RTN4: variants seen among roughly 807,000 people sequenced by gnomAD.
The protein encoded by RTN4 is reticulon 4.
In RTN4, 32 loss-of-function variants were observed where a neutral mutation model predicts 90.4. That is an observed-to-expected ratio of 0.35 (90% CI 0.27 to 0.48). The LOEUF (loss-of-function observed/expected upper bound fraction) is 0.48. Ranked by LOEUF, RTN4 falls within the 20% of genes least tolerant of loss-of-function variation. The probability of loss-of-function intolerance (pLI) is 0.99; values close to 1 mark genes in which losing one functional copy is unlikely to be tolerated. For missense variants in RTN4, 1,706 were observed against 1,430.2 expected (o/e 1.19, Z -3.11); for synonymous variants, 629 against 552.5 (o/e 1.14, Z -1.94).
intron 4 of RTN4, 91 bp downstream of exon 4, chr2:54,987,400 T>C: frequency 2.1e-6 from 2 of 954,644 alleles, no homozygotes; most frequent in South Asian, 1.4e-5. Context: ...AAAAAATGCA[T>C]GCTTGTAACT....
At chr2:55,051,888 A>C (rs1668097588), upstream of RTN4, among the ~76,000 whole-genome samples, 1 of 152,028 alleles carries the variant, frequency 6.6e-6, no homozygotes, top group South Asian at 2.1e-4. Context: ...CAGCTTCTAG[A>C]GTTTTTTAAA....
At position 54,973,615 on chromosome 2, in the gene RTN4, T is replaced by C; in HGVS notation, c.3484A>G (p.Ile1162Val). ...PVIYERHQAQIDHYLGLANKN... is the reference protein window; with the variant it reads ...PVIYERHQAQVDHYLGLANKN... ...TTTGCAAGTCCTAGATAATGATCTATCTGTGCCTGAAAGAGAGGTATAAAG... is the reference window on the plus strand; with the variant it reads ...TTTGCAAGTCCTAGATAATGATCTACCTGTGCCTGAAAGAGAGGTATAAAG... Residue 1162 changes from isoleucine (I) to valine (V), a missense_variant, in exon 8 of 9, where the codon ATA becomes GTA. Coordinates refer to ENST00000337526, the MANE Select transcript of RTN4 (RefSeq NM_020532.5). 6.2e-7 allele frequency: 1 copy of C among 1,609,536 alleles called. No homozygotes were observed. The highest frequency in any genetic ancestry group is 8.5e-7 in the Non-Finnish European group (1 of 1,175,908).
At chr2:55,092,596 C>T (rs1260100169) in intron 1 of RTN4, among the ~76,000 whole-genome samples, 4 of 152,214 alleles carry the variant, frequency 2.6e-5, no homozygotes, top group Non-Finnish European at 4.4e-5. Flanking sequence ...AAGTGCTCAA[C>T]ACAAACTTGT....
intron 3 of RTN4, among the ~76,000 whole-genome samples, chr2:55,013,007 G>A: frequency 6.6e-6 from 1 of 151,984 alleles, no homozygotes; most frequent in East Asian, 1.9e-4. Flanking sequence ...TTCTTTTGAG[G>A]ACAATTTTCA....
intron 1 of RTN4, chr2:55,049,534 C>T (rs1219073776): frequency 6.4e-6 from 5 of 785,216 alleles, no homozygotes; most frequent in Non-Finnish European, 1.1e-5. Flanking sequence ...TTCCCCGAAA[C>T]CAAGACGGAC....
chr2:55,084,237 C>T (rs1483724796), intron 1 of RTN4, among the ~76,000 whole-genome samples: 12 of 152,044 alleles, frequency 7.9e-5, no homozygotes, highest in Admixed American at 5.2e-4. Flanking sequence ...AGCTCACAAC[C>T]CCTTCCCCAT....
intron 1 of RTN4, among the ~76,000 whole-genome samples, chr2:55,037,400 T>C (rs1000153359): frequency 2.0e-5 from 3 of 152,248 alleles, no homozygotes; most frequent in African/African-American, 7.2e-5. Flanking sequence ...CAGTTTCTTC[T>C]TCTTCAGCAA....
intron 1 of RTN4, among the ~76,000 whole-genome samples, chr2:55,103,872 TTTAGCAGAGATGGGG>T (rs1667897109): frequency 6.6e-6 from 1 of 152,064 alleles, no homozygotes; most frequent in East Asian, 1.9e-4. Context: ...TTTTTGTATA[TTTAGCAGAGATGGGG>T]TTTCACCATG....
intron 1 of RTN4, among the ~76,000 whole-genome samples, chr2:55,031,317 T>C (rs1682295866): frequency 6.6e-6 from 1 of 152,228 alleles, no homozygotes; most frequent in African/African-American, 2.4e-5. Flanking sequence ...AGGCACATTC[T>C]GGTCTACAGT....
intron 3 of RTN4, among the ~76,000 whole-genome samples, chr2:55,015,562 G>A (rs760660159): frequency 1.3e-5 from 2 of 152,126 alleles, no homozygotes; most frequent in African/African-American, 4.8e-5. Context: ...TGGGCAAAGA[G>A]TATGAACAAG....
At chr2:55,110,194 C>T (rs1668012838) in intron 1 of RTN4, among the ~76,000 whole-genome samples, 1 of 151,798 alleles carries the variant, frequency 6.6e-6, no homozygotes, top group Non-Finnish European at 1.5e-5. Context: ...GTCTGTAGTC[C>T]CAGCTACGTG....
chr2:54,978,431 C>CAAAAAAAAA (rs10718270), intron 5 of RTN4, among the ~76,000 whole-genome samples: 1 of 81,098 alleles, frequency 1.2e-5, no homozygotes, highest in Non-Finnish European at 2.4e-5. Flanking sequence ...ACTCTATCTC[C>CAAAAAAAAA]AAAAAAAAAA....
the RTN4 span, among the ~76,000 whole-genome samples, chr2:55,137,437 G>A: frequency 6.6e-6 from 1 of 152,296 alleles, no homozygotes; most frequent in South Asian, 2.1e-4. Context: ...CGAATACCTG[G>A]ACCACGTCAG....
intron 1 of RTN4, among the ~76,000 whole-genome samples, chr2:55,047,395 C>T (rs1012603): frequency 0.065 from 9,845 of 151,448 alleles, 527 homozygotes; most frequent in South Asian, 0.19. Flanking sequence ...CAGTTTCCCT[C>T]AAGTATGTCT....
chr2:55,034,586 T>A (rs539803602), intron 1 of RTN4, among the ~76,000 whole-genome samples: 13 of 152,250 alleles, frequency 8.5e-5, no homozygotes, highest in South Asian at 4.1e-4. Context: ...GCTGAAAGAA[T>A]TTGTCACTAA....
At chr2:55,097,562 G>C (rs577960904) in intron 1 of RTN4, among the ~76,000 whole-genome samples, 3 of 152,114 alleles carry the variant, frequency 2.0e-5, no homozygotes, top group Non-Finnish European at 4.4e-5. Context: ...AGACAGCAGT[G>C]GGGGAAGGAG....
intron 3 of RTN4, among the ~76,000 whole-genome samples, chr2:55,001,555 C>T (rs1404017545): frequency 6.6e-6 from 1 of 152,202 alleles, no homozygotes; most frequent in Admixed American, 6.5e-5. Flanking sequence ...TTTAAATTCA[C>T]CATCCAGCCT....
Position 55,025,964 on chromosome 2 carries a change from G to T in RTN4, c.2135C>A (p.Ala712Asp). The T allele has an allele frequency of 6.2e-7, 1 of 1,612,918 alleles. No homozygotes were observed. Among genetic ancestry groups the T allele is most frequent in the Non-Finnish European group, 8.5e-7 (1 of 1,179,810 alleles). Reference sequence around the variant, plus strand: ...TTCTGAATAATCAGAGAAATCCGGAGCTGGTTCAGCAGAAAGCTTTGTTTC... The same window carrying T: ...TTCTGAATAATCAGAGAAATCCGGATCTGGTTCAGCAGAAAGCTTTGTTTC... The part of the protein sequence containing the change: ...IKETKLSAEP[A>D]PDFSDYSEMA... The change falls in exon 3 of 9, where the codon GCT becomes GAT. Residue 712 changes from alanine (A) to aspartate (D), a missense_variant. Physicochemically the swap from Ala to Asp is moderately radical, Grantham distance 126. Coordinates refer to ENST00000337526, the MANE Select transcript of RTN4 (RefSeq NM_020532.5).
chr2:55,120,335 C>T, the RTN4 span, among the ~76,000 whole-genome samples: 17 of 152,282 alleles, frequency 1.1e-4, no homozygotes, highest in East Asian at 3.1e-3. Context: ...CCAGGGTGGG[C>T]ACAGACAGAA....
Sources: gnomAD v4.1 joint callset for allele counts (sites outside exome capture counted in the v4.1 genomes callset) on GRCh38, gnomAD v4.1.1 for gene constraint, MANE v1.5 for transcripts, NCBI Gene and HGNC (gene_info 2026-07-23, HGNC 2026-07-21) for gene names.